The following ZFHX3 variants were observed in gnomAD, a reference collection of about 807,000 sequenced individuals.
The protein encoded by ZFHX3 is zinc finger homeobox protein 3.
ZFHX3 carries 42 observed loss-of-function variants against 279.1 expected under a neutral mutation model. The ratio of observed to expected loss-of-function variants is 0.15; its 90% CI spans 0.12 to 0.19. The LOEUF (loss-of-function observed/expected upper bound fraction) is 0.19. Ranked by LOEUF, ZFHX3 falls within the 10% of genes least tolerant of loss-of-function variation. ZFHX3 has a pLI of 1.00. For synonymous variants in ZFHX3, 2,293 were observed against 1,957.8 expected (o/e 1.17, Z -4.52); for missense variants, 4,981 against 4,754.0 (o/e 1.05, Z -1.40).
chr16:73,217,984 C>T (rs188179704), intron 5 of ZFHX3, among the ~76,000 whole-genome samples: 1 of 152,224 alleles, frequency 6.6e-6, no homozygotes, highest in African/African-American at 2.4e-5. Context: ...GTCCATAAGT[C>T]ATTTCTAGAG....
intron 5 of ZFHX3, among the ~76,000 whole-genome samples, chr16:73,229,166 A>C (rs552298064): frequency 6.6e-6 from 1 of 152,226 alleles, no homozygotes; most frequent in Non-Finnish European, 1.5e-5. Flanking sequence ...CTCTGGAAAC[A>C]CAAAGAAAGC....
chr16:72,827,463 G>A (rs1033239135), intron 5 of ZFHX3, among the ~76,000 whole-genome samples: 4 of 152,200 alleles, frequency 2.6e-5, no homozygotes, highest in African/African-American at 4.8e-5. Context: ...CACAGCTAAT[G>A]AGTGGCAGAG....
chr16:73,778,552 A>G (rs1224801084), intron 1 of ZFHX3, among the ~76,000 whole-genome samples: 2 of 152,198 alleles, frequency 1.3e-5, no homozygotes, highest in Non-Finnish European at 1.5e-5. Flanking sequence ...GGTTCTAACT[A>G]TTTTCCAAAG....
At chr16:73,125,956 A>C (rs1444379177) in intron 7 of ZFHX3, among the ~76,000 whole-genome samples, 1 of 152,170 alleles carries the variant, frequency 6.6e-6, no homozygotes, top group African/African-American at 2.4e-5. Context: ...AAGGTCATAC[A>C]GTAATAAGAA....
chr16:72,960,871 C>G (rs942500934), intron 1 of ZFHX3, among the ~76,000 whole-genome samples: 1 of 152,126 alleles, frequency 6.6e-6, no homozygotes, highest in African/African-American at 2.4e-5. Context: ...TGGGAGGCGT[C>G]AGTCCCATTT....
intron 2 of ZFHX3, among the ~76,000 whole-genome samples, chr16:73,620,312 C>T (rs1018454904): frequency 1.8e-4 from 27 of 152,172 alleles, no homozygotes; most frequent in African/African-American, 6.0e-4. Flanking sequence ...TAAAGTGAAG[C>T]ACTGATTTCA....
At chr16:73,395,767 T>A (rs918174701) in intron 3 of ZFHX3, among the ~76,000 whole-genome samples, 4 of 152,076 alleles carry the variant, frequency 2.6e-5, no homozygotes, top group Non-Finnish European at 4.4e-5. Flanking sequence ...TCACCACAGG[T>A]GCTTGGAACA....
intron 2 of ZFHX3, among the ~76,000 whole-genome samples, chr16:73,633,853 G>A (rs1470089891): frequency 6.6e-6 from 1 of 151,626 alleles, no homozygotes; most frequent in Non-Finnish European, 1.5e-5. Context: ...AGCCAAGACT[G>A]TGCCACTGCA....
In ZFHX3 at chr16:72,787,976, G is replaced by C. The variant is rs745443545; in HGVS notation, c.10300C>G (p.Leu3434Val). Residue 3434 changes from leucine (L) to valine (V), a missense_variant, in exon 10 of 10, where the codon CTC (leucine) becomes GTC (valine). Transcript: ENST00000268489. ...GGCTCTTCAGGGAGTTTCGGCAGGA[G>C]GGGGGACACCTCACGGGGGGTGTTT... is the stretch of plus-strand genomic sequence containing the variant. ...QKNTPREVSP[L>V]LPKLPEEPEA... 53 of 1,613,724 alleles carry C rather than the reference G, an allele frequency of 3.3e-5. No homozygotes were observed. Among genetic ancestry groups the C allele is most frequent in the African/African-American group, 5.3e-5 (4 of 74,838 alleles).
At chr16:73,019,887 G>A (rs554784666) in intron 1 of ZFHX3, among the ~76,000 whole-genome samples, 1 of 152,290 alleles carries the variant, frequency 6.6e-6, no homozygotes, top group Non-Finnish European at 1.5e-5. Flanking sequence ...GAGCGGGCTG[G>A]CATTCCTGGC....
At chr16:72,924,653 A>G (rs1477094830) in intron 3 of ZFHX3, among the ~76,000 whole-genome samples, 1 of 152,182 alleles carries the variant, frequency 6.6e-6, no homozygotes, top group Admixed American at 6.5e-5. Flanking sequence ...TAAGAAGCCA[A>G]CAGGCTGTTG....
intron 5 of ZFHX3, among the ~76,000 whole-genome samples, chr16:73,172,451 G>A (rs1216666071): frequency 6.6e-6 from 1 of 152,188 alleles, no homozygotes; most frequent in East Asian, 1.9e-4. Context: ...ATTTATAGCC[G>A]TGTGAGACTC....
intron 3 of ZFHX3, among the ~76,000 whole-genome samples, chr16:72,891,404 T>C (rs1340286351): frequency 2.6e-5 from 4 of 152,282 alleles, no homozygotes; most frequent in East Asian, 1.9e-4. Context: ...TAGGAAGACT[T>C]AAAGACGACC....
intron 6 of ZFHX3, among the ~76,000 whole-genome samples, chr16:73,141,610 C>A (rs1016490696): frequency 5.9e-5 from 9 of 152,056 alleles, no homozygotes; most frequent in African/African-American, 2.2e-4. Flanking sequence ...GTTACCCAGG[C>A]TGGTCTCAAA....
At chr16:72,887,647 G>T (rs925782186) in intron 4 of ZFHX3, among the ~76,000 whole-genome samples, 2 of 149,644 alleles carry the variant, frequency 1.3e-5, no homozygotes, top group Non-Finnish European at 3.0e-5. Context: ...TGGGGTGTGT[G>T]GGGGTACAGT....
At chr16:73,715,989 C>A (rs748471242) in intron 1 of ZFHX3, among the ~76,000 whole-genome samples, 28 of 152,238 alleles carry the variant, frequency 1.8e-4, no homozygotes, top group Non-Finnish European at 3.2e-4. Context: ...CCTTTGCATT[C>A]CAGGTGCTCC....
At chr16:72,988,282 AC>A (rs1197774822) in intron 1 of ZFHX3, among the ~76,000 whole-genome samples, 6 of 152,206 alleles carry the variant, frequency 3.9e-5, no homozygotes, top group Admixed American at 6.5e-5. Context: ...GCTCATAAGC[AC>A]AGTCTAGGGC....
At chr16:73,070,788 T>A (rs1965813273) in intron 8 of ZFHX3, among the ~76,000 whole-genome samples, 1 of 151,650 alleles carries the variant, frequency 6.6e-6, no homozygotes, top group South Asian at 2.1e-4. Flanking sequence ...CCATCCTCTC[T>A]GCCTCTCTCC....
At chr16:73,411,856 T>G (rs747049007) in intron 3 of ZFHX3, among the ~76,000 whole-genome samples, 2 of 152,204 alleles carry the variant, frequency 1.3e-5, no homozygotes, top group Non-Finnish European at 2.9e-5. Flanking sequence ...GCCTGTCTCC[T>G]TAGACATTTG....
Sources: gnomAD v4.1 joint callset for allele counts (sites outside exome capture counted in the v4.1 genomes callset) on GRCh38, gnomAD v4.1.1 for gene constraint, MANE v1.5 for transcripts, NCBI Gene and HGNC (gene_info 2026-07-23, HGNC 2026-07-21) for gene names.